Variants in TBC1D30 observed in about 807,000 individuals in gnomAD.
The protein encoded by TBC1D30 is TBC1 domain family, member 30.
TBC1D30 carries 31 observed loss-of-function variants against 63.2 expected under a neutral mutation model. The ratio of observed to expected loss-of-function variants is 0.49; its 90% CI spans 0.37 to 0.66. TBC1D30 has a LOEUF of 0.66. TBC1D30 is among the 30% of genes least tolerant of loss of function. The probability of loss-of-function intolerance (pLI) is 0.00; values close to 1 mark genes in which losing one functional copy is unlikely to be tolerated. For missense variants in TBC1D30, 810 were observed against 953.6 expected (o/e 0.85, Z 1.98); for synonymous variants, 307 against 361.5 (o/e 0.85, Z 1.71).
At chr12:64,788,870 G>T (rs1871751231) in intron 2 of TBC1D30, among the ~76,000 whole-genome samples, 1 of 152,092 alleles carries the variant, frequency 6.6e-6, no homozygotes, top group Non-Finnish European at 1.5e-5. Context: ...ACTGTATTTT[G>T]ATATAGACAC....
At chr12:64,805,055 A>C (rs1225868512) in intron 2 of TBC1D30, among the ~76,000 whole-genome samples, 1 of 151,962 alleles carries the variant, frequency 6.6e-6, no homozygotes, top group East Asian at 1.9e-4. Flanking sequence ...ACAAAAAATG[A>C]GTTGGGCTTG....
chr12:64,843,396 G>C lies in TBC1D30; in HGVS notation c.949G>C (p.Glu317Gln), dbSNP rs1339572457. ...TTTATCTAGGCAGATAGAATGTTGT[G>C]AAACAGCAGATGAATTCTACAGCAC... The part of the protein sequence containing the change: ...AKLGEQIECC[E>Q]TADEFYSTMG... Residue 317 changes from glutamate to glutamine, a missense_variant, in exon 8 of 12, where the codon GAA becomes CAA. Coordinates refer to ENST00000539867, the MANE Select transcript of TBC1D30 (RefSeq NM_015279.2). The C allele has an allele frequency of 4.6e-6, 7 of 1,536,238 alleles. No homozygotes were observed. The East Asian group carries it at 1.5e-4, about 32-fold the overall frequency.
chr12:64,776,806 A>G (rs1871094842), upstream of TBC1D30, among the ~76,000 whole-genome samples: 1 of 152,226 alleles, frequency 6.6e-6, no homozygotes, highest in Admixed American at 6.5e-5. Context: ...TACAACAACT[A>G]CAAAAAAACT....
At chr12:64,777,828 CAGCT>C (rs1871128117), upstream of TBC1D30, among the ~76,000 whole-genome samples, 1 of 152,240 alleles carries the variant, frequency 6.6e-6, no homozygotes, top group Non-Finnish European at 1.5e-5. Flanking sequence ...GGTGCAATCT[CAGCT>C]CCCTGCAACC....
intron 2 of TBC1D30, among the ~76,000 whole-genome samples, chr12:64,787,867 C>G (rs1253797082): frequency 6.6e-6 from 1 of 152,124 alleles, no homozygotes; most frequent in Non-Finnish European, 1.5e-5. Context: ...GAAACCCCAT[C>G]TCTACTAAAA....
intron 11 of TBC1D30, among the ~76,000 whole-genome samples, chr12:64,871,212 G>A: frequency 6.6e-6 from 1 of 152,090 alleles, no homozygotes; most frequent in Non-Finnish European, 1.5e-5. Context: ...AGTCATTTAG[G>A]TGATATTATA....
In TBC1D30 at chr12:64,843,421, C is replaced by T; in HGVS notation, c.974C>T (p.Thr325Ile). The T allele has an allele frequency of 6.5e-7, 1 of 1,536,312 alleles. No homozygotes were observed. Among genetic ancestry groups the T allele is most frequent in the Non-Finnish European group, 8.7e-7 (1 of 1,146,944 alleles). Reference sequence around the variant, plus strand: ...GAAACAGCAGATGAATTCTACAGCACCATGGGGCGCCTTACCCAGGAGATG... The same window carrying T: ...GAAACAGCAGATGAATTCTACAGCATCATGGGGCGCCTTACCCAGGAGATG... ...CCETADEFYS[T>I]MGRLTQEMLE... Residue 325 changes from threonine (T) to isoleucine (I), a missense_variant, in exon 8 of 12, where the codon ACC becomes ATC. By Grantham distance (89) the Thr-to-Ile change is moderately conservative. Transcript: ENST00000539867.
intron 2 of TBC1D30, among the ~76,000 whole-genome samples, chr12:64,809,458 A>G (rs1203883462): frequency 6.6e-6 from 1 of 152,184 alleles, no homozygotes; most frequent in Non-Finnish European, 1.5e-5. Flanking sequence ...GTAATATTCC[A>G]TGGTAGAATG....
chr12:64,861,104 G>A (rs1467862482), intron 8 of TBC1D30, among the ~76,000 whole-genome samples: 1 of 152,232 alleles, frequency 6.6e-6, no homozygotes, highest in Non-Finnish European at 1.5e-5. Flanking sequence ...ACTGTAGGCT[G>A]TGGATTGATT....
intron 3 of TBC1D30, among the ~76,000 whole-genome samples, chr12:64,829,079 GGTAAT>G (rs1874617644): frequency 6.6e-6 from 1 of 152,140 alleles, no homozygotes; most frequent in African/African-American, 2.4e-5. Flanking sequence ...GGGTCATAGA[GGTAAT>G]GTGGTGGGTT....
chr12:64,864,108 C>CT (rs557804406), intron 8 of TBC1D30, among the ~76,000 whole-genome samples: 90 of 146,166 alleles, frequency 6.2e-4, no homozygotes, highest in East Asian at 3.4e-3. Context: ...TTTTTCTTGT[C>CT]TTTTTTTTTT....
In TBC1D30 at chr12:64,866,907, A is replaced by G; in HGVS notation, c.1291+4A>G. On this transcript the variant is annotated splice_donor_region_variant and intron_variant, in intron 10 of 11. Transcript: ENST00000539867. Reference sequence around the variant, plus strand: ...AAGTACCAAAAACAAATTAAAGGTAAAGAGGTGGCTCTTGATTTAGATTAT... The same window carrying G: ...AAGTACCAAAAACAAATTAAAGGTAGAGAGGTGGCTCTTGATTTAGATTAT... 6.5e-7 allele frequency: 1 copy of G among 1,535,962 alleles called. No homozygotes were observed. The highest frequency in any genetic ancestry group is 8.7e-7 in the Non-Finnish European group (1 of 1,146,872).
upstream of TBC1D30, among the ~76,000 whole-genome samples, chr12:64,777,595 A>G (rs1871121249): frequency 6.6e-6 from 1 of 152,242 alleles, no homozygotes; most frequent in South Asian, 2.1e-4. Context: ...CCACTGCTCA[A>G]AGAAATCAGA....
At chr12:64,810,547 G>A (rs969730591) in intron 2 of TBC1D30, among the ~76,000 whole-genome samples, 2 of 152,146 alleles carry the variant, frequency 1.3e-5, no homozygotes, top group African/African-American at 4.8e-5. Context: ...AGGCTGCAGT[G>A]AGCCAAGATG....
intron 2 of TBC1D30, among the ~76,000 whole-genome samples, chr12:64,786,520 C>A (rs1330367708): frequency 6.6e-6 from 1 of 151,946 alleles, no homozygotes; most frequent in East Asian, 2.0e-4. Context: ...TTAGTAGAGA[C>A]GAGGTTTCAC....
Position 64,799,461 on chromosome 12 carries a change from C to T in TBC1D30, c.643+13416C>T, listed in dbSNP as rs900110844. Among the ~76,000 whole-genome samples the T allele has an allele frequency of 2.6e-5, 4 of 152,212 alleles. No homozygotes were observed. The South Asian group carries it at 6.2e-4, about 24-fold the overall frequency. ...GAGGTTCAGAGGTTGCCTTTGCCAT[C>T]AGCATTTGCATCCTAGCCTGTGTAA... On this transcript the variant is annotated intron_variant, in intron 2 of 12. Coordinates refer to the TBC1D30 transcript ENST00000542120.
At chr12:64,811,326 C>A (rs114796820) in intron 2 of TBC1D30, among the ~76,000 whole-genome samples, 1,676 of 152,300 alleles carry the variant, frequency 0.011, 44 homozygotes, top group African/African-American at 0.039. Flanking sequence ...GGAGGGAACA[C>A]AACAATGGCA....
At chr12:64,777,359 C>T (rs888340454), upstream of TBC1D30, among the ~76,000 whole-genome samples, 1 of 152,186 alleles carries the variant, frequency 6.6e-6, no homozygotes, top group African/African-American at 2.4e-5. Context: ...CTAGAAAACT[C>T]CATCATCTCA....
intron 8 of TBC1D30, among the ~76,000 whole-genome samples, chr12:64,856,376 C>A (rs1177385026): frequency 1.3e-5 from 2 of 152,196 alleles, no homozygotes; most frequent in African/African-American, 4.8e-5. Context: ...AAATTATCAC[C>A]AGGTATTAGA....
Sources: allele counts gnomAD v4.1 joint callset (sites outside exome capture counted in the v4.1 genomes callset), GRCh38; gene constraint gnomAD v4.1.1; transcripts MANE v1.5; gene names NCBI Gene and HGNC (gene_info 2026-07-23, HGNC 2026-07-21).